FAM222B: variants seen among roughly 807,000 people sequenced by gnomAD.
FAM222B encodes the protein protein FAM222B.
In FAM222B, 12 loss-of-function variants were observed where a neutral mutation model predicts 38.0. The ratio of observed to expected loss-of-function variants is 0.32; its 90% CI spans 0.20 to 0.51. FAM222B has a LOEUF of 0.51. Among genes scored for constraint, FAM222B ranks in the 20% least tolerant of loss-of-function variants. The probability of loss-of-function intolerance (pLI) is 0.97; values close to 1 mark genes in which losing one functional copy is unlikely to be tolerated. For missense variants in FAM222B, 716 were observed against 754.2 expected (o/e 0.95, Z 0.59); for synonymous variants, 329 against 317.2 (o/e 1.04, Z -0.40).
intron 1 of FAM222B, among the ~76,000 whole-genome samples, chr17:28,768,331 G>C (rs1380995938): frequency 6.6e-6 from 1 of 152,174 alleles, no homozygotes; most frequent in African/African-American, 2.4e-5. Context: ...GAGGGCTCCT[G>C]CTTCCAAGAC....
At chr17:28,773,479 CAAAAAAAA>C (rs66716142) in intron 1 of FAM222B, among the ~76,000 whole-genome samples, 2 of 60,788 alleles carry the variant, frequency 3.3e-5, no homozygotes, top group East Asian at 5.4e-4. Flanking sequence ...AACTCTGTCT[CAAAAAAAA>C]AAAAAAAAAA....
At chr17:28,853,981 T>C (rs1027162236) in intron 1 of FAM222B, among the ~76,000 whole-genome samples, 37 of 146,372 alleles carry the variant, frequency 2.5e-4, no homozygotes, top group African/African-American at 9.4e-4. Flanking sequence ...TCTCGCTCTA[T>C]CGCCCAGGCT....
At chr17:28,824,365 T>C (rs1410080696) in intron 1 of FAM222B, among the ~76,000 whole-genome samples, 1 of 151,890 alleles carries the variant, frequency 6.6e-6, no homozygotes, top group African/African-American at 2.4e-5. Context: ...TCTTATTTTT[T>C]TGTAGACACA....
At chr17:28,768,384 T>C (rs1049973882) in intron 1 of FAM222B, among the ~76,000 whole-genome samples, 1 of 152,146 alleles carries the variant, frequency 6.6e-6, no homozygotes, top group Admixed American at 6.5e-5. Flanking sequence ...CTGCTCAAAC[T>C]GTGTCTAAGA....
At chr17:28,849,258 C>CA (rs764429126) in intron 1 of FAM222B, 2,553 of 67,548 alleles carry the variant, frequency 0.038, 40 homozygotes, top group African/African-American at 0.074. Flanking sequence ...GACTCCGTCT[C>CA]AAAAAAAAAA....
chr17:28,813,702 A>ATTTTTT (rs571045731), intron 1 of FAM222B, among the ~76,000 whole-genome samples: 2 of 135,304 alleles, frequency 1.5e-5, no homozygotes. Flanking sequence ...CGCCCAGCTA[A>ATTTTTT]TTTTTTTTTT....
chr17:28,854,909 C>A, intron 1 of FAM222B: 1 of 1,041,828 alleles, frequency 9.6e-7, no homozygotes, highest in Non-Finnish European at 1.4e-6. Flanking sequence ...TCCTCCCGCC[C>A]ACATCCCATG....
At chr17:28,770,531 C>A (rs557838594) in intron 1 of FAM222B, among the ~76,000 whole-genome samples, 2 of 151,538 alleles carry the variant, frequency 1.3e-5, no homozygotes, top group African/African-American at 4.8e-5. Context: ...GCCTCCCAAG[C>A]AGCTGGGATT....
chr17:28,797,294 C>T (rs2036988324), intron 1 of FAM222B, among the ~76,000 whole-genome samples: 1 of 152,068 alleles, frequency 6.6e-6, no homozygotes, highest in African/African-American at 2.4e-5. Flanking sequence ...CAGCGGCTGG[C>T]TGGCTATTGC....
intron 1 of FAM222B, among the ~76,000 whole-genome samples, chr17:28,814,767 G>A (rs557692827): frequency 1.5e-5 from 2 of 131,164 alleles, no homozygotes; most frequent in South Asian, 2.7e-4. Flanking sequence ...GTGCCAGGCC[G>A]ATCTTTTTTT....
At position 28,759,692 on chromosome 17, in the gene FAM222B, G is replaced by T; in HGVS notation, c.267C>A (p.Ser89Arg). The T allele has an allele frequency of 6.2e-7, 1 of 1,613,720 alleles. No homozygotes were observed. The highest frequency in any genetic ancestry group is 1.1e-5 in the South Asian group (1 of 91,012). The change falls in exon 3 of 3, where the codon AGC becomes AGA. Residue 89 changes from serine to arginine, a missense_variant. Physicochemically the swap from Ser to Arg is moderately radical, Grantham distance 110 (BLOSUM62 -1). Coordinates refer to ENST00000581407, the MANE Select transcript of FAM222B (RefSeq NM_001077498.3). This position sits in a 1 kb window ranked among gnomAD's most constrained non-coding sequence, Gnocchi z 4.8. ...NGLDTSAQRY[S>R]PYPTQAATKA... The stretch of plus-strand genomic sequence containing the variant: ...TGGTGGCAGCCTGTGTCGGGTAGGG[G>T]CTGTAGCGCTGGGCTGATGTGTCGA...
chr17:28,807,046 G>A (rs774123956), intron 1 of FAM222B, among the ~76,000 whole-genome samples: 2 of 148,388 alleles, frequency 1.3e-5, no homozygotes, highest in South Asian at 2.1e-4. Context: ...ATGGAATTTC[G>A]TTCCTGTTGC....
chr17:28,845,975 G>A (rs1015086967), upstream of FAM222B, among the ~76,000 whole-genome samples: 2 of 150,588 alleles, frequency 1.3e-5, no homozygotes, highest in African/African-American at 2.4e-5. Context: ...AGGCCAAGGC[G>A]GGTGGATCAC....
chr17:28,794,570 TAAG>T (rs1464834914), intron 1 of FAM222B, among the ~76,000 whole-genome samples: 1 of 152,054 alleles, frequency 6.6e-6, no homozygotes, highest in African/African-American at 2.4e-5. Context: ...CACAACATTT[TAAG>T]AAGTAACAAA....
At chr17:28,831,495 T>G in intron 1 of FAM222B, among the ~76,000 whole-genome samples, 1 of 150,668 alleles carries the variant, frequency 6.6e-6, no homozygotes, top group Non-Finnish European at 1.5e-5. Flanking sequence ...AGAATTAGCT[T>G]GTCAAAGGCT....
chr17:28,817,412 C>CA (rs34394358), intron 1 of FAM222B, among the ~76,000 whole-genome samples: 71 of 136,502 alleles, frequency 5.2e-4, no homozygotes, highest in African/African-American at 6.0e-4. Flanking sequence ...GACTCTGTCT[C>CA]AAAAAAAAAA....
chr17:28,844,775 G>A (rs530404292), upstream of FAM222B, among the ~76,000 whole-genome samples: 5 of 152,048 alleles, frequency 3.3e-5, no homozygotes, highest in African/African-American at 1.2e-4. Context: ...ACCAGCCTGG[G>A]CAACATAGGG....
intron 1 of FAM222B, among the ~76,000 whole-genome samples, chr17:28,781,504 AC>A (rs775970209): frequency 9.9e-5 from 15 of 152,140 alleles, no homozygotes; most frequent in Admixed American, 2.6e-4. Context: ...AAACAGAACT[AC>A]CATATGATCC....
At chr17:28,836,741 T>C (rs1429938594) in intron 1 of FAM222B, among the ~76,000 whole-genome samples, 1 of 152,092 alleles carries the variant, frequency 6.6e-6, no homozygotes, top group African/African-American at 2.4e-5. Flanking sequence ...AGGTCAGGGG[T>C]CGATCTTTAA....
Sources: allele counts gnomAD v4.1 joint callset (sites outside exome capture counted in the v4.1 genomes callset), GRCh38; gene constraint gnomAD v4.1.1; non-coding constraint Gnocchi (gnomAD v3.1); transcripts MANE v1.5; gene names NCBI Gene and HGNC (gene_info 2026-07-23, HGNC 2026-07-21).